The following PDLIM5 variants were observed in gnomAD, a reference collection of about 807,000 sequenced individuals.
The protein encoded by PDLIM5 is PDZ and LIM domain 5, also known as PDZ and LIM domain protein 5.
PDLIM5 carries 34 observed loss-of-function variants against 64.2 expected under a neutral mutation model. The ratio of observed to expected loss-of-function variants is 0.53; its 90% CI spans 0.40 to 0.71. PDLIM5 has a LOEUF of 0.71. Ranked by LOEUF, PDLIM5 falls within the 30% of genes least tolerant of loss-of-function variation. The pLI, the probability that PDLIM5 is intolerant of heterozygous loss-of-function variation, is 0.00. For synonymous variants in PDLIM5, 253 were observed against 269.1 expected, an observed-to-expected ratio of 0.94 and a Z score of 0.59; for missense variants, 683 against 733.6, an observed-to-expected ratio of 0.93 and a Z score of 0.80.
intron 8 of PDLIM5, among the ~76,000 whole-genome samples, chr4:94,623,107 G>A (rs2008664685): frequency 1.3e-5 from 2 of 152,144 alleles, no homozygotes; most frequent in African/African-American, 4.8e-5. Context: ...TCCTTTTCTT[G>A]ATGGCATTAA....
Position 94,640,470 on chromosome 4 carries a change from T to C in PDLIM5, c.1283+20T>C. 3 of 1,528,222 alleles carry C rather than the reference T, an allele frequency of 2.0e-6. No homozygotes were observed. Among genetic ancestry groups the C allele is most frequent in the Non-Finnish European group, 1.8e-6 (2 of 1,132,196 alleles). The allele number at this position is 1,528,222 out of a possible 1,614,324, so 94.7% of individuals were successfully genotyped here. On this transcript the variant is annotated intron_variant, in intron 9 of 12. Transcript: ENST00000317968. ...CATCAGGTTGGTTGTTTTTTGAAAT[T>C]TTCTTGAAAGTACTTAATATCAATG...
At chr4:94,640,503 T>G (rs1578523879) in intron 9 of PDLIM5, 53 bp downstream of exon 9, 3 of 819,294 alleles carry the variant, frequency 3.7e-6, no homozygotes, top group South Asian at 2.4e-5. Context: ...ATGTTGGGTT[T>G]TTTTTTTTTT....
intron 9 of PDLIM5, among the ~76,000 whole-genome samples, chr4:94,651,779 A>G (rs2110483729): frequency 6.6e-6 from 1 of 152,328 alleles, no homozygotes; most frequent in African/African-American, 2.4e-5. Context: ...GAATGAGACC[A>G]TGTGAAAGTG....
intron 9 of PDLIM5, 88 bp downstream of exon 9, chr4:94,640,538 G>A: frequency 1.3e-6 from 1 of 758,456 alleles, no homozygotes; most frequent in South Asian, 1.9e-5. Flanking sequence ...TATGTGTAAT[G>A]TAATTAGTGA....
At chr4:94,594,958 A>C (rs1018673307) in intron 7 of PDLIM5, among the ~76,000 whole-genome samples, 2 of 152,184 alleles carry the variant, frequency 1.3e-5, no homozygotes, top group African/African-American at 2.4e-5. Flanking sequence ...TGATTGACTC[A>C]TAGTTCCACA....
At chr4:94,587,251 T>C in intron 7 of PDLIM5, 4 of 1,416,808 alleles carry the variant, frequency 2.8e-6, no homozygotes, top group Admixed American at 7.4e-5. Flanking sequence ...TGAACATGTT[T>C]TGTGCTAGTT....
intron 2 of PDLIM5, among the ~76,000 whole-genome samples, chr4:94,474,396 A>G (rs754543127): frequency 1.3e-5 from 2 of 152,076 alleles, no homozygotes; most frequent in Non-Finnish European, 2.9e-5. Flanking sequence ...GATTACAGGC[A>G]TGCGCCACCA....
rs145891110 is a variant in PDLIM5 at position 94,453,815 on chromosome 4, G to T, written c.-42-1432G>T. Among the ~76,000 whole-genome samples the T allele has an allele frequency of 9.2e-5, 14 of 152,192 alleles. No individual in the cohort carries two copies. In the East Asian group the frequency reaches 2.7e-3, roughly 29 times the overall value. ...AGTTTGACTTCCGGCTTGGCCTTTG[G>T]ATCTTTTTTAGTGCTCTGTGCCTAT... On this transcript the variant is annotated intron_variant, in intron 1 of 12. Coordinates refer to ENST00000317968, the MANE Select transcript of PDLIM5 (RefSeq NM_006457.5).
At chr4:94,582,524 G>A in intron 5 of PDLIM5, 2 of 524,444 alleles carry the variant, frequency 3.8e-6, no homozygotes, top group Non-Finnish European at 6.8e-6. Flanking sequence ...TTTTTGGTCT[G>A]TGTTTACATA....
intron 5 of PDLIM5, among the ~76,000 whole-genome samples, chr4:94,581,217 T>A (rs1179762295): frequency 6.6e-6 from 1 of 152,218 alleles, no homozygotes; most frequent in Non-Finnish European, 1.5e-5. Context: ...TATGATGGAC[T>A]ATTCCATTTG....
Position 94,497,312 on chromosome 4 carries a change from T to C in PDLIM5, c.97-26412T>C, listed in dbSNP as rs569874942. 6.6e-5 allele frequency among the ~76,000 whole-genome samples: 10 copies of C among 152,340 alleles called. No homozygotes were observed. The East Asian group carries it at 1.9e-3, about 29-fold the overall frequency. On this transcript the variant is annotated intron_variant, in intron 2 of 12. Transcript: ENST00000317968. Reference sequence around the variant, plus strand: ...CTTATGATCAGTAAAATCTTTCTGCTTAGTATTTTAAAGTTGAGAAGATAA... The same window carrying C: ...CTTATGATCAGTAAAATCTTTCTGCCTAGTATTTTAAAGTTGAGAAGATAA...
At chr4:94,546,841 C>T (rs1266486562) in intron 3 of PDLIM5, among the ~76,000 whole-genome samples, 1 of 150,282 alleles carries the variant, frequency 6.7e-6, no homozygotes, top group African/African-American at 2.4e-5. Context: ...GCCCCCCCCA[C>T]CTTTTTCAAC....
chr4:94,564,637 C>T (rs1578384863), intron 3 of PDLIM5, among the ~76,000 whole-genome samples: 1 of 143,964 alleles, frequency 6.9e-6, no homozygotes, highest in Non-Finnish European at 1.5e-5. Context: ...TAAGCACCTT[C>T]AAAGGAGGAA....
intron 3 of PDLIM5, among the ~76,000 whole-genome samples, chr4:94,539,657 G>C (rs1419773547): frequency 1.3e-5 from 2 of 152,198 alleles, no homozygotes; most frequent in African/African-American, 4.8e-5. Flanking sequence ...GTAGCAACTG[G>C]AACAGAGAGA....
At position 94,583,977 on chromosome 4, in the gene PDLIM5, T is replaced by G. The variant is rs117910191; in HGVS notation, c.711-1588T>G. On this transcript the variant is annotated intron_variant, in intron 5 of 12. Transcript: ENST00000317968. ...GAAATGACTTGCATAAAGCACACACTGAATCTGATTTTAAAGCCAGTGTTA... is the reference window on the plus strand; with the variant it reads ...GAAATGACTTGCATAAAGCACACACGGAATCTGATTTTAAAGCCAGTGTTA... 1.2e-3 allele frequency among the ~76,000 whole-genome samples: 177 copies of G among 152,358 alleles called. 3 individuals are homozygous for G. The East Asian group carries it at 0.032, about 27-fold the overall frequency.
At chr4:94,482,877 A>C (rs1260917664) in intron 2 of PDLIM5, among the ~76,000 whole-genome samples, 1 of 152,150 alleles carries the variant, frequency 6.6e-6, no homozygotes, top group Non-Finnish European at 1.5e-5. Flanking sequence ...TGACAGACCA[A>C]GACCCTGTCA....
At chr4:94,620,540 CA>C (rs1177188628) in intron 8 of PDLIM5, among the ~76,000 whole-genome samples, 17 of 143,660 alleles carry the variant, frequency 1.2e-4, no homozygotes, top group Admixed American at 2.8e-4. Flanking sequence ...ACCTTGTCTC[CA>C]AAAAAAAAAT....
intron 2 of PDLIM5, among the ~76,000 whole-genome samples, chr4:94,499,848 G>A (rs970110228): frequency 2.6e-5 from 4 of 152,188 alleles, no homozygotes; most frequent in Admixed American, 1.3e-4. Context: ...TGAACTGCAC[G>A]TGCAAGGGAT....
At position 94,516,762 on chromosome 4, in the gene PDLIM5, G is replaced by C. The variant is rs148383234; in HGVS notation, c.97-6962G>C. ...GCCCAGGCTGGTCTCAAACTCCTGG[G>C]CTCAAGCGATCCTCCCACCTCAGTC... is the stretch of plus-strand genomic sequence containing the variant. On this transcript the variant is annotated intron_variant, in intron 2 of 12. Transcript: ENST00000317968. Among the ~76,000 whole-genome samples the C allele has an allele frequency of 7.8e-3, 1,181 of 152,146 alleles. 13 individuals carry two copies. The highest frequency in any genetic ancestry group is 0.027 in the African/African-American group (1,112 of 41,510).
Sources: gnomAD v4.1 joint callset for allele counts (sites outside exome capture counted in the v4.1 genomes callset) on GRCh38, gnomAD v4.1.1 for gene constraint, MANE v1.5 for transcripts, NCBI Gene and HGNC (gene_info 2026-07-23, HGNC 2026-07-21) for gene names.